The following DDHD1 variants were observed in gnomAD, a reference collection of about 807,000 sequenced individuals.
DDHD1 encodes phospholipase DDHD1.
In DDHD1, 49 loss-of-function variants were observed where a neutral mutation model predicts 96.4. That is an observed-to-expected ratio of 0.51 (90% confidence interval 0.40 to 0.64). The LOEUF (loss-of-function observed/expected upper bound fraction) is 0.64, where lower values mean the gene tolerates loss of function less well. Ranked by LOEUF, DDHD1 falls within the 30% of genes least tolerant of loss-of-function variation. DDHD1 has a pLI of 0.00. For synonymous variants in DDHD1, 442 were observed against 446.5 expected (o/e 0.99, Z 0.13); for missense variants, 1,106 against 1,161.2 (o/e 0.95, Z 0.69).
At position 53,072,685 on chromosome 14, in the gene DDHD1, G is replaced by A. The variant is rs1479779468; in HGVS notation, c.1415C>T (p.Thr472Ile). ...TLDGDTVDSI[T>I]PDKVRGLRDM... ...CCTTAAACCTCGTACTTTGTCAGGA[G>A]TAATGGAATCAACAGTGTCTACAAA... is the stretch of plus-strand genomic sequence containing the variant. The change falls in exon 6 of 13, where the codon ACT (threonine) becomes ATT (isoleucine). Residue 472 changes from threonine (T) to isoleucine (I), a missense_variant. Transcript: ENST00000673822. 6.2e-7 allele frequency: 1 copy of A among 1,608,322 alleles called. No individual in the cohort carries two copies.
At chr14:53,059,535 G>A (rs920649682) in intron 8 of DDHD1, among the ~76,000 whole-genome samples, 3 of 150,064 alleles carry the variant, frequency 2.0e-5, no homozygotes, top group Non-Finnish European at 4.4e-5. Context: ...GTGAGCCACC[G>A]TGCCCAGCCA....
chr14:53,071,927 T>A (rs749417208), intron 6 of DDHD1, among the ~76,000 whole-genome samples: 1 of 152,278 alleles, frequency 6.6e-6, no homozygotes, highest in Non-Finnish European at 1.5e-5. Context: ...TGCCACTTAT[T>A]AAGTGAGATG....
chr14:53,114,321 C>T (rs1035956131), intron 1 of DDHD1, among the ~76,000 whole-genome samples: 1 of 152,202 alleles, frequency 6.6e-6, no homozygotes, highest in Admixed American at 6.5e-5. Flanking sequence ...TTCCTGCCTG[C>T]CGACTCTGAA....
Position 53,152,635 on chromosome 14 carries a change from T to A in DDHD1, c.464A>T (p.His155Leu). ...CAGCTCCGTCACTACCTCATAGCGGTGCCGGGCCGCCGGGCCGCCAAGCCG... is the reference window on the plus strand; with the variant it reads ...CAGCTCCGTCACTACCTCATAGCGGAGCCGGGCCGCCGGGCCGCCAAGCCG... ...RTRLGGPAAR[H>L]RYEVVTELGP... is the part of the protein sequence containing the mutation. Residue 155 changes from histidine to leucine, a missense_variant, in exon 1 of 13, where the codon CAC becomes CTC. His to Leu is a moderately conservative substitution (Grantham distance 99, BLOSUM62 -3). Around this residue, in one of 2 missense-constraint regions of DDHD1, gnomAD observed 456 missense variants for 402.4 expected, o/e 1.13. Transcript: ENST00000673822. The A allele has an allele frequency of 6.2e-7, 1 of 1,613,182 alleles. No individual in the cohort carries two copies. The highest frequency in any genetic ancestry group is 8.5e-7 in the Non-Finnish European group (1 of 1,179,856).
intron 6 of DDHD1, among the ~76,000 whole-genome samples, chr14:53,069,230 G>C (rs1371659920): frequency 6.6e-6 from 1 of 152,146 alleles, no homozygotes; most frequent in African/African-American, 2.4e-5. Flanking sequence ...TCCTCAGTGG[G>C]AAATAATAGC....
intron 1 of DDHD1, among the ~76,000 whole-genome samples, chr14:53,134,290 C>A (rs192863999): frequency 1.6e-4 from 25 of 152,244 alleles, no homozygotes; most frequent in African/African-American, 6.0e-4. Context: ...ACCATCATAG[C>A]GGATATCTCC....
intron 1 of DDHD1, among the ~76,000 whole-genome samples, chr14:53,106,969 C>G (rs561254708): frequency 2.2e-4 from 33 of 152,244 alleles, no homozygotes; most frequent in Admixed American, 5.9e-4. Context: ...ATTTAAACTA[C>G]TTTTTACATT....
intron 1 of DDHD1, among the ~76,000 whole-genome samples, chr14:53,143,356 C>T (rs183418276): frequency 6.6e-6 from 1 of 152,320 alleles, no homozygotes; most frequent in East Asian, 1.9e-4. Flanking sequence ...GTTAGAAATG[C>T]TTGTTCCTCG....
chr14:53,083,060 A>T (rs984234475), intron 4 of DDHD1, among the ~76,000 whole-genome samples: 2 of 151,888 alleles, frequency 1.3e-5, no homozygotes, highest in African/African-American at 4.8e-5. Context: ...CAGCCTTTTT[A>T]CTCCATATTT....
intron 1 of DDHD1, among the ~76,000 whole-genome samples, chr14:53,109,037 T>C (rs556604396): frequency 1.6e-3 from 242 of 152,312 alleles, no homozygotes; most frequent in Non-Finnish European, 3.1e-3. Context: ...TTTAAGAGCA[T>C]TCACTTCTGC....
intron 1 of DDHD1, among the ~76,000 whole-genome samples, chr14:53,120,215 T>C (rs749421903): frequency 3.9e-5 from 6 of 152,082 alleles, no homozygotes; most frequent in Non-Finnish European, 8.8e-5. Flanking sequence ...AGAAGCAAAA[T>C]AGAATATCTA....
Position 53,039,933 on chromosome 14 carries a change from T to C in DDHD1, c.*6835A>G, listed in dbSNP as rs1349634406. Reference sequence around the variant, plus strand: ...ACCTTTTCTTTCCCCTCACAGTCCATACGTACACTGTCCCATCTCAATTCT... The same window carrying C: ...ACCTTTTCTTTCCCCTCACAGTCCACACGTACACTGTCCCATCTCAATTCT... On this transcript the variant is annotated 3_prime_UTR_variant, in exon 13 of 13. Transcript: ENST00000673822. 1 of 152,292 alleles carries C rather than the reference T, an allele frequency of 6.6e-6. No homozygotes were observed. The highest frequency in any genetic ancestry group is 1.5e-5 in the Non-Finnish European group (1 of 68,132). 9.4% of individuals were successfully genotyped at this position (152,292 alleles called of 1,614,324 possible).
chr14:53,136,432 G>T lies in DDHD1; in HGVS notation c.838+15829C>A, dbSNP rs143081289. Among the ~76,000 whole-genome samples the T allele has an allele frequency of 4.1e-3, 627 of 152,278 alleles. 5 individuals are homozygous for T. Among genetic ancestry groups the T allele is most frequent in the South Asian group, 0.011 (55 of 4,826 alleles). ...TTGAAACAGCTAAGAGTTCAGGAAC[G>T]CCAAGACCTAGAATTTGTGAGGCAC... On this transcript the variant is annotated intron_variant, in intron 1 of 12. Transcript: ENST00000673822.
In DDHD1 at chr14:53,040,145, C is replaced by G. The variant is rs1040445048; in HGVS notation, c.*6623G>C. 6.6e-6 allele frequency: 1 copy of G among 152,234 alleles called. No individual in the cohort carries two copies. Among genetic ancestry groups the G allele is most frequent in the Non-Finnish European group, 1.5e-5 (1 of 68,054 alleles). 9.4% of individuals were successfully genotyped at this position (152,234 alleles called of 1,614,324 possible). On this transcript the variant is annotated 3_prime_UTR_variant, in exon 13 of 13. Coordinates refer to ENST00000673822, the MANE Select transcript of DDHD1 (RefSeq NM_001160148.2). The stretch of plus-strand genomic sequence containing the variant: ...AAAGGTAGTAGGAGTAGGTTTCTAT[C>G]TGGCACGGGTTCTTGGAGTTAGCCT...
chr14:53,113,600 G>C (rs1888305988), intron 1 of DDHD1, among the ~76,000 whole-genome samples: 1 of 151,322 alleles, frequency 6.6e-6, no homozygotes, highest in Non-Finnish European at 1.5e-5. Context: ...CAGAAGCATG[G>C]TGGTGCGTCA....
intron 2 of DDHD1, among the ~76,000 whole-genome samples, chr14:53,101,524 CAA>C (rs1887295193): frequency 6.6e-6 from 1 of 151,906 alleles, no homozygotes; most frequent in African/African-American, 2.4e-5. Context: ...GATTACAATG[CAA>C]AAGTGTTCTA....
chr14:53,117,817 G>A (rs1344123120), intron 1 of DDHD1, among the ~76,000 whole-genome samples: 1 of 152,162 alleles, frequency 6.6e-6, no homozygotes, highest in Non-Finnish European at 1.5e-5. Flanking sequence ...TCTCAGCAGG[G>A]CATTCGAACT....
chr14:53,082,442 C>CTT (rs35059788), intron 4 of DDHD1, among the ~76,000 whole-genome samples: 3,429 of 121,856 alleles, frequency 0.028, 175 homozygotes, highest in African/African-American at 0.1. Context: ...TCCAAGATAC[C>CTT]TTTTTTTTTT....
chr14:53,094,806 T>C (rs1205469565), intron 2 of DDHD1, among the ~76,000 whole-genome samples: 5 of 150,314 alleles, frequency 3.3e-5, no homozygotes, highest in African/African-American at 4.9e-5. Context: ...ATCATGCCAC[T>C]GCACTCTAGC....
Sources: gnomAD v4.1 joint callset for allele counts (sites outside exome capture counted in the v4.1 genomes callset) on GRCh38, gnomAD v4.1.1 for gene constraint, gnomAD v4.1.1 regional missense constraint, MANE v1.5 for transcripts, NCBI Gene and HGNC (gene_info 2026-07-23, HGNC 2026-07-21) for gene names.